Variants in CSMD1 observed in about 807,000 individuals in gnomAD.
CSMD1 encodes the protein CUB and Sushi multiple domains 1, also known as CUB and sushi domain-containing protein 1.
Under a neutral mutation model 417.5 loss-of-function variants are expected in CSMD1, and 213 were observed. The ratio of observed to expected loss-of-function variants is 0.51; its 90% CI spans 0.46 to 0.57. The LOEUF is 0.57. Ranked by LOEUF, CSMD1 falls within the 20% of genes least tolerant of loss-of-function variation. The pLI is 0.00. For synonymous variants in CSMD1, 2,862 were observed against 1,736.8 expected (o/e 1.65, Z -16.11); for missense variants, 6,923 against 4,529.7 (o/e 1.53, Z -15.17).
intron 1 of CSMD1, among the ~76,000 whole-genome samples, chr8:4,795,098 G>T (rs569805229): frequency 6.6e-6 from 1 of 151,878 alleles, no homozygotes; most frequent in African/African-American, 2.4e-5. Context: ...GAAGAATCAG[G>T]TGGAATAGAT....
At chr8:4,765,268 C>G (rs1415668735) in intron 1 of CSMD1, among the ~76,000 whole-genome samples, 1 of 152,144 alleles carries the variant, frequency 6.6e-6, no homozygotes, top group Non-Finnish European at 1.5e-5. Context: ...ATGTGCCACA[C>G]AAAGAGTTTA....
chr8:4,737,068 A>C (rs1449464213), intron 1 of CSMD1, among the ~76,000 whole-genome samples: 1 of 152,218 alleles, frequency 6.6e-6, no homozygotes, highest in Admixed American at 6.5e-5. Context: ...ACAAAAGAAA[A>C]GACATGTAAT....
At chr8:3,259,745 G>T (rs189462893) in intron 26 of CSMD1, among the ~76,000 whole-genome samples, 1 of 152,064 alleles carries the variant, frequency 6.6e-6, no homozygotes, top group Non-Finnish European at 1.5e-5. Context: ...TGTGTTAAAT[G>T]GTCTAAAACA....
At chr8:3,704,876 G>C (rs1024536825) in intron 7 of CSMD1, 1 of 152,270 alleles carries the variant, frequency 6.6e-6, no homozygotes, top group Admixed American at 6.5e-5. Context: ...GAGCAGAGGG[G>C]AGGGTAATAA....
chr8:4,419,079 T>C (rs1797105432), intron 3 of CSMD1, among the ~76,000 whole-genome samples: 1 of 152,128 alleles, frequency 6.6e-6, no homozygotes, highest in Non-Finnish European at 1.5e-5. Context: ...AAATGCAGAG[T>C]ATTCCCAGTA....
chr8:4,227,789 C>G (rs918979267), intron 3 of CSMD1, among the ~76,000 whole-genome samples: 2 of 149,716 alleles, frequency 1.3e-5, no homozygotes, highest in East Asian at 4.0e-4. Context: ...GGAGACACAC[C>G]CTCCATCCTA....
rs139782822 is a variant in CSMD1, at chr8:3,764,423, G to C, written c.819-10381C>G. Among the ~76,000 whole-genome samples the C allele has an allele frequency of 6.3e-3, 955 of 152,296 alleles. 13 individuals are homozygous for C. The highest frequency in any genetic ancestry group is 0.034 in the Middle Eastern group (10 of 294). The stretch of plus-strand genomic sequence containing the variant: ...TCAAACATATATAAACAACGTATGA[G>C]TGTGAGACACCTTACTGGGCCCTGA... On this transcript the variant is annotated intron_variant, in intron 5 of 69. Transcript: ENST00000635120.
chr8:3,349,367 T>C (rs1031145776), intron 21 of CSMD1, among the ~76,000 whole-genome samples: 2 of 152,158 alleles, frequency 1.3e-5, no homozygotes, highest in African/African-American at 4.8e-5. Flanking sequence ...AGGAAGTTGC[T>C]AGAGATCCAT....
intron 3 of CSMD1, among the ~76,000 whole-genome samples, chr8:4,407,844 T>A (rs74318770): frequency 6.6e-6 from 1 of 152,118 alleles, no homozygotes; most frequent in Non-Finnish European, 1.5e-5. Flanking sequence ...TCTTAAAAAA[T>A]GAAAAATCAG....
At chr8:4,506,461 T>C (rs1211190786) in intron 2 of CSMD1, among the ~76,000 whole-genome samples, 1 of 152,092 alleles carries the variant, frequency 6.6e-6, no homozygotes, top group African/African-American at 2.4e-5. Context: ...CCCTCCCCTA[T>C]GCTAAGGGAT....
At chr8:4,477,642 G>A (rs1585140493) in intron 2 of CSMD1, among the ~76,000 whole-genome samples, 1 of 152,096 alleles carries the variant, frequency 6.6e-6, no homozygotes, top group Non-Finnish European at 1.5e-5. Context: ...AGATATCTAA[G>A]AAATCGTTGA....
chr8:4,337,485 C>G (rs1189948649), intron 3 of CSMD1, among the ~76,000 whole-genome samples: 1 of 152,064 alleles, frequency 6.6e-6, no homozygotes, highest in Non-Finnish European at 1.5e-5. Context: ...CTCTGCTTTG[C>G]TTTTTCTTAT....
At chr8:3,554,623 A>G (rs1799062595) in intron 10 of CSMD1, among the ~76,000 whole-genome samples, 1 of 152,354 alleles carries the variant, frequency 6.6e-6, no homozygotes, top group Non-Finnish European at 1.5e-5. Context: ...GGATCTGAGC[A>G]GGTGGGAGAA....
chr8:4,170,567 T>C (rs1797714923), intron 3 of CSMD1, among the ~76,000 whole-genome samples: 1 of 151,890 alleles, frequency 6.6e-6, no homozygotes, highest in Non-Finnish European at 1.5e-5. Context: ...GGACAATGGA[T>C]GAAAACCTTA....
intron 3 of CSMD1, among the ~76,000 whole-genome samples, chr8:4,061,863 T>G (rs1383568988): frequency 6.6e-6 from 1 of 152,186 alleles, no homozygotes; most frequent in Non-Finnish European, 1.5e-5. Flanking sequence ...AGGTCAGTCT[T>G]TCCATGACTT....
chr8:3,752,549 G>C (rs1432579325), intron 6 of CSMD1, among the ~76,000 whole-genome samples: 1 of 151,774 alleles, frequency 6.6e-6, no homozygotes, highest in Non-Finnish European at 1.5e-5. Context: ...AGCTACTCGG[G>C]AGCCTGAGAC....
intron 5 of CSMD1, among the ~76,000 whole-genome samples, chr8:3,939,555 G>T (rs75938761): frequency 6.6e-6 from 1 of 152,048 alleles, no homozygotes; most frequent in African/African-American, 2.4e-5. Context: ...TATGAAAAAG[G>T]CACATGCACA....
At chr8:4,618,798 C>A (rs1482020770) in intron 2 of CSMD1, among the ~76,000 whole-genome samples, 1 of 152,158 alleles carries the variant, frequency 6.6e-6, no homozygotes, top group African/African-American at 2.4e-5. Flanking sequence ...TTTCTGACTT[C>A]ACTGTTCAGA....
At chr8:3,531,738 C>A (rs1416657470) in intron 10 of CSMD1, among the ~76,000 whole-genome samples, 1 of 152,242 alleles carries the variant, frequency 6.6e-6, no homozygotes, top group Admixed American at 6.5e-5. Context: ...CAAGAAATCA[C>A]TTCTTTTCTA....
Sources: gnomAD v4.1 joint callset for allele counts (sites outside exome capture counted in the v4.1 genomes callset) on GRCh38, gnomAD v4.1.1 for gene constraint, MANE v1.5 for transcripts, NCBI Gene and HGNC (gene_info 2026-07-23, HGNC 2026-07-21) for gene names.